FIP1L1: variants seen among roughly 807,000 people sequenced by gnomAD.
FIP1L1 encodes the protein pre-mRNA 3'-end-processing factor FIP1.
Under a neutral mutation model 84.6 loss-of-function variants are expected in FIP1L1, and 21 were observed. The ratio of observed to expected loss-of-function variants is 0.25; its 90% CI spans 0.18 to 0.36. The LOEUF (loss-of-function observed/expected upper bound fraction) is 0.36. Ranked by LOEUF, FIP1L1 falls within the 10% of genes least tolerant of loss-of-function variation. The pLI is 1.00. For missense variants in FIP1L1, 526 were observed against 751.1 expected, an observed-to-expected ratio of 0.70 and a Z score of 3.50; for synonymous variants, 263 against 242.3, an observed-to-expected ratio of 1.09 and a Z score of -0.80.
At chr4:53,434,479 T>C (rs1366233033) in intron 13 of FIP1L1, among the ~76,000 whole-genome samples, 3 of 151,964 alleles carry the variant, frequency 2.0e-5, no homozygotes, top group African/African-American at 7.2e-5. Flanking sequence ...AAATTTTTTT[T>C]TTTTTTTTTG....
chr4:53,440,763 G>C (rs752665286), intron 13 of FIP1L1: 2 of 623,864 alleles, frequency 3.2e-6, no homozygotes, highest in Non-Finnish European at 2.9e-6. Context: ...CTTCATTCCA[G>C]TTTTGATTAA....
intron 1 of FIP1L1, 119 bp from the exon 2 acceptor site, chr4:53,378,954 C>A: frequency 1.0e-6 from 1 of 971,588 alleles, no homozygotes; most frequent in Non-Finnish European, 1.6e-6. Flanking sequence ...ATCTGGAAAT[C>A]TTCATTACCT....
chr4:53,393,616 A>G (rs17081770), intron 9 of FIP1L1, among the ~76,000 whole-genome samples: 2,663 of 152,290 alleles, frequency 0.017, 77 homozygotes, highest in African/African-American at 0.061. Flanking sequence ...TACAAAAACA[A>G]TTGTGTAATT....
intron 10 of FIP1L1, among the ~76,000 whole-genome samples, chr4:53,409,943 T>C (rs1406972954): frequency 2.0e-5 from 3 of 152,256 alleles, no homozygotes; most frequent in Non-Finnish European, 4.4e-5. Flanking sequence ...TTGCGCTTCC[T>C]GAGTGAGGCA....
intron 9 of FIP1L1, among the ~76,000 whole-genome samples, chr4:53,393,217 G>A (rs1745228911): frequency 6.6e-6 from 1 of 152,138 alleles, no homozygotes; most frequent in African/African-American, 2.4e-5. Flanking sequence ...GTGTGAAACA[G>A]ATAGGGAGCT....
At chr4:53,437,351 A>G (rs1769795727) in intron 13 of FIP1L1, among the ~76,000 whole-genome samples, 1 of 136,632 alleles carries the variant, frequency 7.3e-6, no homozygotes, top group South Asian at 2.3e-4. Context: ...AAAAAAAAAA[A>G]AAGAGAGAGA....
chr4:53,391,214 C>A, intron 8 of FIP1L1, 75 bp downstream of exon 8: 1 of 1,482,860 alleles, frequency 6.7e-7, no homozygotes, highest in Non-Finnish European at 9.1e-7. Context: ...AATCGCTTCC[C>A]TATAAAAGTG....
In FIP1L1 at chr4:53,459,620, A is replaced by AAT; in HGVS notation, c.*172_*173dup. 1 of 916,412 alleles carries AAT rather than the reference A, an allele frequency of 1.1e-6. No individual in the cohort carries two copies. Among genetic ancestry groups the AAT allele is most frequent in the Non-Finnish European group, 1.7e-6 (1 of 599,304 alleles). 56.8% of individuals were successfully genotyped at this position (916,412 alleles called of 1,614,324 possible). On this transcript the variant is annotated 3_prime_UTR_variant, in exon 18 of 18. Transcript: ENST00000337488. ...AGTGAATTTTTCATGTTAAGTTAAA[A>AAT]ATCTTTGTCTTGTACTATTTCAAAA...
intron 15 of FIP1L1, among the ~76,000 whole-genome samples, chr4:53,447,193 T>A (rs1306333143): frequency 6.6e-6 from 1 of 152,092 alleles, no homozygotes; most frequent in Non-Finnish European, 1.5e-5. Flanking sequence ...ATTTCTTGAG[T>A]ATATAACTTA....
rs1017864279 is a variant in FIP1L1 at position 53,458,543 on chromosome 4, C to T, written c.1500-110C>T. 4.9e-6 allele frequency: 5 copies of T among 1,019,326 alleles called. No individual in the cohort carries two copies. In the African/African-American group the frequency reaches 6.5e-5, roughly 13 times the overall value. 63.1% of individuals were successfully genotyped at this position (1,019,326 alleles called of 1,614,324 possible). On this transcript the variant is annotated intron_variant, in intron 16 of 17. Transcript: ENST00000337488. ...TTCCTCACTAATGTTATAAAAGATG[C>T]TAATGTGAGGATTTTGGATTTGGAC...
At chr4:53,410,617 A>T (rs1756722418) in intron 10 of FIP1L1, among the ~76,000 whole-genome samples, 1 of 152,248 alleles carries the variant, frequency 6.6e-6, no homozygotes, top group South Asian at 2.1e-4. Context: ...AATAAACATA[A>T]AATAAACAGC....
At chr4:53,413,193 A>C (rs1159117627) in intron 10 of FIP1L1, among the ~76,000 whole-genome samples, 1 of 151,410 alleles carries the variant, frequency 6.6e-6, no homozygotes, top group Non-Finnish European at 1.5e-5. Context: ...ATAGTTTGGC[A>C]TTACCAGGAT....
chr4:53,403,496 G>A (rs188195718), intron 10 of FIP1L1, among the ~76,000 whole-genome samples: 4 of 152,270 alleles, frequency 2.6e-5, no homozygotes, highest in Admixed American at 2.0e-4. Context: ...TTGCCAATGA[G>A]AAATAAGTTT....
chr4:53,450,158 T>G (rs1487850562), intron 15 of FIP1L1, among the ~76,000 whole-genome samples: 1 of 152,188 alleles, frequency 6.6e-6, no homozygotes, highest in African/African-American at 2.4e-5. Flanking sequence ...TTAATTTTTA[T>G]TCTTTTCTAA....
intron 6 of FIP1L1, 59 bp from the exon 7 acceptor site, chr4:53,390,462 A>G (rs377306119): frequency 3.4e-5 from 34 of 990,906 alleles, no homozygotes; most frequent in East Asian, 2.9e-4. Context: ...CTGTTTGTCT[A>G]TGGTATCGCC....
chr4:53,391,573 G>A, intron 9 of FIP1L1, 75 bp downstream of exon 9: 2 of 1,062,418 alleles, frequency 1.9e-6, no homozygotes, highest in South Asian at 1.3e-5. Context: ...CTACTCAAGG[G>A]ACAAGATTAA....
At chr4:53,396,875 G>T (rs1747686426) in intron 9 of FIP1L1, among the ~76,000 whole-genome samples, 1 of 151,892 alleles carries the variant, frequency 6.6e-6, no homozygotes, top group Non-Finnish European at 1.5e-5. Context: ...TCTCCCTGTT[G>T]TGCAAAGCCA....
intron 11 of FIP1L1, among the ~76,000 whole-genome samples, chr4:53,425,552 C>G (rs868530127): frequency 2.6e-5 from 4 of 152,030 alleles, no homozygotes; most frequent in South Asian, 2.1e-4. Flanking sequence ...CTAGCATTTG[C>G]TGTCTTATTT....
intron 11 of FIP1L1, among the ~76,000 whole-genome samples, chr4:53,423,922 A>G (rs1297020423): frequency 6.6e-6 from 1 of 152,162 alleles, no homozygotes; most frequent in Non-Finnish European, 1.5e-5. Flanking sequence ...ACTTTTTGAA[A>G]ACTAGAGATC....
Sources: gnomAD v4.1 joint callset for allele counts (sites outside exome capture counted in the v4.1 genomes callset) on GRCh38, gnomAD v4.1.1 for gene constraint, MANE v1.5 for transcripts, NCBI Gene and HGNC (gene_info 2026-07-23, HGNC 2026-07-21) for gene names.